Variants in SCCPDH observed in about 807,000 individuals in gnomAD.
The protein encoded by SCCPDH is saccharopine dehydrogenase-like oxidoreductase.
A neutral mutation model predicts 51.5 loss-of-function variants in SCCPDH; 34 were observed. That is an observed-to-expected ratio of 0.66 (90% CI 0.50 to 0.88). SCCPDH has a LOEUF of 0.88. Among genes scored for constraint, SCCPDH ranks in the 40% least tolerant of loss-of-function variants. The pLI, the probability that SCCPDH is intolerant of heterozygous loss-of-function variation, is 0.00. For missense variants in SCCPDH, 464 were observed against 527.1 expected (o/e 0.88, Z 1.17); for synonymous variants, 187 against 191.3 (o/e 0.98, Z 0.19).
intron 2 of SCCPDH, among the ~76,000 whole-genome samples, chr1:246,730,758 T>C (rs1210316863): frequency 2.6e-5 from 4 of 152,186 alleles, no homozygotes; most frequent in African/African-American, 9.7e-5. Flanking sequence ...ACCACTGGGT[T>C]AGAAGATGGA....
At chr1:246,735,166 A>G (rs1428453402) in intron 2 of SCCPDH, among the ~76,000 whole-genome samples, 1 of 152,216 alleles carries the variant, frequency 6.6e-6, no homozygotes, top group Non-Finnish European at 1.5e-5. Flanking sequence ...CTGGAAAGCC[A>G]AGTAAACTAG....
At chr1:246,746,588 C>T (rs1668765027) in intron 5 of SCCPDH, among the ~76,000 whole-genome samples, 1 of 152,198 alleles carries the variant, frequency 6.6e-6, no homozygotes, top group African/African-American at 2.4e-5. Flanking sequence ...CGCCTGTAAT[C>T]CCAGCACTTT....
At chr1:246,740,675 A>G (rs1482525078) in intron 4 of SCCPDH, among the ~76,000 whole-genome samples, 1 of 152,252 alleles carries the variant, frequency 6.6e-6, no homozygotes, top group African/African-American at 2.4e-5. Context: ...CGTCAAAGCT[A>G]GAAAGTATTG....
chr1:246,736,792 T>G (rs1022638940), intron 3 of SCCPDH, among the ~76,000 whole-genome samples: 1 of 152,236 alleles, frequency 6.6e-6, no homozygotes, highest in Admixed American at 6.5e-5. Flanking sequence ...ACCTAAACAT[T>G]TTAAATGTTC....
At chr1:246,759,007 C>A in intron 6 of SCCPDH, 27 bp from the exon 7 acceptor site, 2 of 1,279,322 alleles carry the variant, frequency 1.6e-6, no homozygotes, top group Non-Finnish European at 2.3e-6. Context: ...GCAGGAAATG[C>A]AAAATATTCA....
intron 5 of SCCPDH, among the ~76,000 whole-genome samples, chr1:246,757,526 T>C (rs1427987643): frequency 6.6e-6 from 1 of 151,504 alleles, no homozygotes; most frequent in Non-Finnish European, 1.5e-5. Flanking sequence ...GGATGAAAAA[T>C]CAGTGAATAA....
At chr1:246,738,890 G>C (rs774518866) in intron 3 of SCCPDH, among the ~76,000 whole-genome samples, 1 of 152,214 alleles carries the variant, frequency 6.6e-6, no homozygotes, top group Non-Finnish European at 1.5e-5. Flanking sequence ...GATGAGAAGA[G>C]ACAAATCTTC....
intron 5 of SCCPDH, among the ~76,000 whole-genome samples, chr1:246,747,864 T>C (rs576193965): frequency 1.9e-4 from 29 of 152,298 alleles, no homozygotes; most frequent in African/African-American, 6.7e-4. Flanking sequence ...GGTTGTTTAC[T>C]GAAACTAGGG....
intron 4 of SCCPDH, among the ~76,000 whole-genome samples, chr1:246,741,391 GGCT>G (rs57341920): frequency 0.051 from 7,802 of 152,058 alleles, 261 homozygotes; most frequent in African/African-American, 0.077. Context: ...CGAATGCCTG[GGCT>G]CAGGCAGTGC....
At chr1:246,766,659 C>T (rs1669090134) in intron 11 of SCCPDH, among the ~76,000 whole-genome samples, 1 of 152,076 alleles carries the variant, frequency 6.6e-6, no homozygotes, top group South Asian at 2.1e-4. Flanking sequence ...CCAGGCATGA[C>T]CTAAAACAGG....
intron 7 of SCCPDH, among the ~76,000 whole-genome samples, chr1:246,759,550 C>G (rs1223797497): frequency 6.6e-6 from 1 of 152,180 alleles, no homozygotes; most frequent in African/African-American, 2.4e-5. Flanking sequence ...AAAGTAATTG[C>G]TTTCATTGCC....
chr1:246,746,004 A>G (rs1668753148), intron 5 of SCCPDH, among the ~76,000 whole-genome samples: 1 of 148,088 alleles, frequency 6.8e-6, no homozygotes, highest in African/African-American at 2.5e-5. Context: ...GCTACTCAGG[A>G]GGCTGAGGCA....
In SCCPDH at chr1:246,759,101, G is replaced by GT; in HGVS notation, c.765dup (p.Val256CysfsTer10). The GT allele has an allele frequency of 6.2e-7, 1 of 1,611,468 alleles. No individual in the cohort carries two copies. Among genetic ancestry groups the GT allele is most frequent in the Non-Finnish European group, 8.5e-7 (1 of 1,177,570 alleles). ...TCCTTTTATGGGATCTGATGTGTCT[G>GT]TTGTAAGGAGGACTCAACGTTACTT... On this transcript the variant is annotated frameshift_variant, in exon 7 of 12. Coordinates refer to ENST00000366510, the MANE Select transcript of SCCPDH (RefSeq NM_016002.3). LOFTEE classifies it high-confidence loss of function.
chr1:246,728,546 C>G (rs1358085656), intron 2 of SCCPDH, among the ~76,000 whole-genome samples: 1 of 152,244 alleles, frequency 6.6e-6, no homozygotes, highest in African/African-American at 2.4e-5. Context: ...TTGTGTGGTG[C>G]TTAGCACCTC....
intron 5 of SCCPDH, among the ~76,000 whole-genome samples, chr1:246,753,816 C>T (rs773827961): frequency 6.6e-6 from 1 of 151,678 alleles, no homozygotes; most frequent in African/African-American, 2.4e-5. Flanking sequence ...GGACTTAACG[C>T]TCGTAGTGAG....
chr1:246,759,904 T>C (rs905156482), intron 7 of SCCPDH, 53 bp from the exon 8 acceptor site: 48 of 1,568,064 alleles, frequency 3.1e-5, no homozygotes, highest in Non-Finnish European at 3.4e-5. Flanking sequence ...ACATTCTTAC[T>C]TGGTCCAAAA....
chr1:246,748,826 G>A (rs900714970), intron 5 of SCCPDH, among the ~76,000 whole-genome samples: 1 of 152,120 alleles, frequency 6.6e-6, no homozygotes, highest in East Asian at 1.9e-4. Context: ...TGGCCAACTG[G>A]ACTAGAGCAC....
In SCCPDH at chr1:246,738,401, C is replaced by T. The variant is rs555626972; in HGVS notation, c.385-1771C>T. ...TGGTGCACGCCTGTAGTCCCAGCTA[C>T]TTGGGAGGCTGAGGCAAGAGAATCG... On this transcript the variant is annotated intron_variant, in intron 3 of 11. Transcript: ENST00000366510. Among the ~76,000 whole-genome samples the T allele has an allele frequency of 7.7e-4, 116 of 151,140 alleles. 3 individuals are homozygous for T. The South Asian group carries it at 0.022, about 29-fold the overall frequency.
In SCCPDH at chr1:246,758,357, G is replaced by A; in HGVS notation, c.695+1G>A. 1 of 1,590,214 alleles carries A rather than the reference G, an allele frequency of 6.3e-7. No individual in the cohort carries two copies. The highest frequency in any genetic ancestry group is 1.2e-5 in the South Asian group (1 of 86,122). On this transcript the variant is annotated splice_donor_variant, in intron 6 of 11. Transcript: ENST00000366510. LOFTEE classifies it high-confidence loss of function. The stretch of plus-strand genomic sequence containing the variant: ...TCATTGGTCCAAAATTGAAGAGAAG[G>A]TAAATTAACTTAAAATCCATTTTTT...
Sources: allele counts gnomAD v4.1 joint callset (sites outside exome capture counted in the v4.1 genomes callset), GRCh38; gene constraint gnomAD v4.1.1; transcripts MANE v1.5; gene names NCBI Gene and HGNC (gene_info 2026-07-23, HGNC 2026-07-21).